Variants in ITFG1 observed in about 807,000 individuals in gnomAD.
ITFG1 encodes the protein T-cell immunomodulatory protein.
ITFG1 carries 34 observed loss-of-function variants against 81.8 expected under a neutral mutation model. The observed-to-expected ratio is 0.42, with a 90% CI of 0.32 to 0.55. The LOEUF (loss-of-function observed/expected upper bound fraction) is 0.55, where lower values mean the gene tolerates loss of function less well. Ranked by LOEUF, ITFG1 falls within the 20% of genes least tolerant of loss-of-function variation. The pLI is 0.17. For missense variants in ITFG1, 672 were observed against 755.4 expected (o/e 0.89, Z 1.29); for synonymous variants, 285 against 270.6 (o/e 1.05, Z -0.52).
chr16:47,387,305 T>A (rs768088756), intron 6 of ITFG1, among the ~76,000 whole-genome samples: 5 of 152,114 alleles, frequency 3.3e-5, no homozygotes, highest in Non-Finnish European at 7.4e-5. Flanking sequence ...ACTAAACAAA[T>A]AAGCAAGCAA....
chr16:47,400,737 G>C (rs1183833419), intron 6 of ITFG1, among the ~76,000 whole-genome samples: 1 of 151,988 alleles, frequency 6.6e-6, no homozygotes, highest in Non-Finnish European at 1.5e-5. Context: ...GGGAAGCAAA[G>C]AGGTAGGGGA....
At chr16:47,228,797 A>C (rs1965785010) in intron 13 of ITFG1, among the ~76,000 whole-genome samples, 2 of 152,254 alleles carry the variant, frequency 1.3e-5, no homozygotes, top group African/African-American at 4.8e-5. Flanking sequence ...ATATATTAAA[A>C]ATTAATTGTT....
chr16:47,180,168 A>T (rs530160287), intron 14 of ITFG1, among the ~76,000 whole-genome samples: 26 of 152,300 alleles, frequency 1.7e-4, no homozygotes, highest in South Asian at 1.5e-3. Flanking sequence ...AATAAACTGA[A>T]GGTTTGGGAG....
At chr16:47,445,241 G>A (rs1024177235) in intron 5 of ITFG1, among the ~76,000 whole-genome samples, 2 of 124,224 alleles carry the variant, frequency 1.6e-5, no homozygotes, top group Non-Finnish European at 3.2e-5. Flanking sequence ...GCGAGACTCC[G>A]TCTCAGAAAA....
At chr16:47,411,434 G>C (rs1480415891) in intron 6 of ITFG1, among the ~76,000 whole-genome samples, 4 of 152,118 alleles carry the variant, frequency 2.6e-5, no homozygotes. Context: ...GGGTGTGCTG[G>C]GTGGTCCCAA....
intron 6 of ITFG1, among the ~76,000 whole-genome samples, chr16:47,411,237 G>C (rs1968806698): frequency 6.6e-6 from 1 of 152,116 alleles, no homozygotes; most frequent in South Asian, 2.1e-4. Context: ...ATGGGAACTG[G>C]GCATGCCTCC....
At chr16:47,403,406 T>G (rs1336040264) in intron 6 of ITFG1, among the ~76,000 whole-genome samples, 1 of 152,014 alleles carries the variant, frequency 6.6e-6, no homozygotes, top group African/African-American at 2.4e-5. Flanking sequence ...CATTTTCATT[T>G]TTTTTTAAAA....
chr16:47,399,428 C>T (rs1235614542), intron 6 of ITFG1, among the ~76,000 whole-genome samples: 2 of 152,134 alleles, frequency 1.3e-5, no homozygotes, highest in African/African-American at 4.8e-5. Flanking sequence ...AAACAATTAG[C>T]CGGGCGTGTT....
At chr16:47,281,309 C>T (rs1054815116) in intron 10 of ITFG1, among the ~76,000 whole-genome samples, 3 of 152,110 alleles carry the variant, frequency 2.0e-5, no homozygotes, top group Non-Finnish European at 2.9e-5. Flanking sequence ...AATTTTTCAT[C>T]TCTGTTCATG....
intron 8 of ITFG1, among the ~76,000 whole-genome samples, chr16:47,325,705 A>G (rs2151570883): frequency 6.6e-6 from 1 of 152,346 alleles, no homozygotes; most frequent in East Asian, 1.9e-4. Flanking sequence ...CCTCTACGCA[A>G]ATAAACTAGA....
At chr16:47,446,161 T>C (rs1231635397) in intron 5 of ITFG1, among the ~76,000 whole-genome samples, 1 of 152,206 alleles carries the variant, frequency 6.6e-6, no homozygotes, top group African/African-American at 2.4e-5. Context: ...TTTGTTCTCT[T>C]ATTTCCCTAT....
At chr16:47,423,179 G>C (rs1257634395) in intron 6 of ITFG1, among the ~76,000 whole-genome samples, 2 of 151,630 alleles carry the variant, frequency 1.3e-5, no homozygotes, top group Non-Finnish European at 2.9e-5. Context: ...ATTATGTAGT[G>C]GCCTTCTTTG....
intron 5 of ITFG1, among the ~76,000 whole-genome samples, chr16:47,440,124 A>C (rs1969226533): frequency 6.6e-6 from 1 of 152,288 alleles, no homozygotes; most frequent in South Asian, 2.1e-4. Flanking sequence ...TCAATTCAAC[A>C]AGAAGAGCTA....
intron 14 of ITFG1, among the ~76,000 whole-genome samples, chr16:47,216,861 T>C (rs979346906): frequency 6.6e-6 from 1 of 152,102 alleles, no homozygotes; most frequent in African/African-American, 2.4e-5. Context: ...CTTTGTCATG[T>C]TGGCCAGGCT....
rs541436174 is a variant in ITFG1 at position 47,377,267 on chromosome 16, G to A, written c.656-1327C>T. 2.0e-5 allele frequency among the ~76,000 whole-genome samples: 3 copies of A among 152,178 alleles called. No individual in the cohort carries two copies. In the South Asian group the frequency reaches 6.2e-4, roughly 32 times the overall value. On this transcript the variant is annotated intron_variant, in intron 6 of 17. Transcript: ENST00000320640. The stretch of plus-strand genomic sequence containing the variant: ...TTTTGTCCATGTATCAAATAGCTCT[G>A]TATTTATTTCCACAACAAGGAAAAT...
At chr16:47,344,689 G>A (rs1347331297) in intron 8 of ITFG1, among the ~76,000 whole-genome samples, 1 of 152,210 alleles carries the variant, frequency 6.6e-6, no homozygotes, top group African/African-American at 2.4e-5. Context: ...ATTTGGTACA[G>A]GCATTAACCA....
At chr16:47,407,086 T>C (rs1354210904) in intron 6 of ITFG1, among the ~76,000 whole-genome samples, 1 of 152,156 alleles carries the variant, frequency 6.6e-6, no homozygotes, top group East Asian at 1.9e-4. Context: ...ACTTTGGCTA[T>C]TTATCCAAAT....
At chr16:47,277,154 T>C (rs561922559) in intron 10 of ITFG1, among the ~76,000 whole-genome samples, 1 of 152,348 alleles carries the variant, frequency 6.6e-6, no homozygotes, top group South Asian at 2.1e-4. Context: ...CAATTACATG[T>C]AAAAATGTAC....
At chr16:47,175,927 GT>G (rs763459360) in intron 14 of ITFG1, among the ~76,000 whole-genome samples, 16 of 152,168 alleles carry the variant, frequency 1.1e-4, no homozygotes, top group Non-Finnish European at 2.1e-4. Context: ...ATGTTTACAA[GT>G]CCAGGGTGTG....
Sources: allele counts gnomAD v4.1 joint callset (sites outside exome capture counted in the v4.1 genomes callset), GRCh38; gene constraint gnomAD v4.1.1; transcripts MANE v1.5; gene names NCBI Gene and HGNC (gene_info 2026-07-23, HGNC 2026-07-21).